Variants in TXNRD1 observed in about 807,000 individuals in gnomAD.
The protein encoded by TXNRD1 is thioredoxin reductase 1, cytoplasmic.
In TXNRD1, 57 loss-of-function variants were observed where a neutral mutation model predicts 80.3. The observed-to-expected ratio is 0.71, with a 90% CI of 0.57 to 0.89. TXNRD1 has a LOEUF of 0.89. Ranked by LOEUF, TXNRD1 falls within the 40% of genes least tolerant of loss-of-function variation. The pLI is 0.00. For synonymous variants in TXNRD1, 291 were observed against 285.2 expected (o/e 1.02, Z -0.20); for missense variants, 730 against 803.0 (o/e 0.91, Z 1.10).
At chr12:104,325,531 A>G in intron 11 of TXNRD1, 102 bp downstream of exon 11, 1 of 844,638 alleles carries the variant, frequency 1.2e-6, no homozygotes, top group Non-Finnish European at 1.9e-6. Context: ...TTCCAAATGT[A>G]CTGGTTCTAT....
At chr12:104,327,102 G>A (rs1311040197) in intron 12 of TXNRD1, among the ~76,000 whole-genome samples, 1 of 152,168 alleles carries the variant, frequency 6.6e-6, no homozygotes, top group African/African-American at 2.4e-5. Flanking sequence ...GTGCCTGGCC[G>A]AATTTTAGAT....
chr12:104,331,494 A>T, intron 13 of TXNRD1, 40 bp from the exon 14 acceptor site: 2 of 1,341,428 alleles, frequency 1.5e-6, no homozygotes, highest in Non-Finnish European at 2.1e-6. Context: ...TTAAGTTATA[A>T]CTTTGCCTAT....
chr12:104,288,939 C>G lies in TXNRD1; in HGVS notation c.313C>G (p.Arg105Gly). The G allele has an allele frequency of 6.2e-7, 1 of 1,614,024 alleles. No homozygotes were observed. The highest frequency in any genetic ancestry group is 8.5e-7 in the Non-Finnish European group (1 of 1,179,886). The change falls in exon 4 of 17, where the codon CGG (arginine) becomes GGG (glycine). Residue 105 changes from arginine to glycine, a missense_variant. Arg to Gly is a moderately radical substitution (Grantham distance 125). Coordinates refer to ENST00000525566, the MANE Select transcript of TXNRD1 (RefSeq NM_001093771.3). ...VLELDQTEDG[R>G]ALEGTLSELA... ...GCTTTTGTGCCACACAGAGGACGGT[C>G]GGGCCCTGGAAGGAACGCTCTCGGA...
intron 3 of TXNRD1, among the ~76,000 whole-genome samples, chr12:104,267,241 C>CTCTCTCTCTCTTTCTTTCTTTCTTTCTT: frequency 1.2e-5 from 1 of 85,796 alleles, no homozygotes; most frequent in African/African-American, 4.8e-5. Flanking sequence ...ATTTTCTTTT[C>CTCTCTCTCTCTTTCTTTCTTTCTTTCTT]TCTTTCTTTC....
intron 3 of TXNRD1, chr12:104,262,232 TAAAAA>T (rs56774416): frequency 3.2e-5 from 3 of 93,730 alleles, no homozygotes; most frequent in South Asian, 4.3e-4. Flanking sequence ...GACTCTGTAT[TAAAAA>T]AAAAAAAAAA....
rs563787652 is a variant in TXNRD1 at position 104,324,871 on chromosome 12, A to G, written c.1216-466A>G. On this transcript the variant is annotated intron_variant, in intron 10 of 16. Coordinates refer to ENST00000525566, the MANE Select transcript of TXNRD1 (RefSeq NM_001093771.3). ...AGACTTTGTAACTGTTACCCATATCACTATGGACCTGCTGTAATGTAATCT... is the reference window on the plus strand; with the variant it reads ...AGACTTTGTAACTGTTACCCATATCGCTATGGACCTGCTGTAATGTAATCT... Among the ~76,000 whole-genome samples, 4 of 152,280 alleles carry G rather than the reference A, an allele frequency of 2.6e-5. No homozygotes were observed. In the East Asian group the frequency reaches 5.8e-4, roughly 22 times the overall value.
chr12:104,318,834 C>A, intron 7 of TXNRD1, 79 bp from the exon 8 acceptor site: 1 of 1,501,368 alleles, frequency 6.7e-7, no homozygotes, highest in Non-Finnish European at 9.0e-7. Context: ...CCCTGTATTT[C>A]ACTTGAGTGG....
chr12:104,323,299 G>T (rs1225465892), intron 10 of TXNRD1, among the ~76,000 whole-genome samples: 2 of 149,116 alleles, frequency 1.3e-5, no homozygotes, highest in Non-Finnish European at 3.0e-5. Context: ...ATCCTGGCCC[G>T]TTCTCAATGA....
chr12:104,263,371 C>G (rs1004325013), intron 3 of TXNRD1, among the ~76,000 whole-genome samples: 4 of 152,090 alleles, frequency 2.6e-5, no homozygotes, highest in African/African-American at 9.7e-5. Flanking sequence ...TGACTTGCCC[C>G]CAGTGTCTTA....
chr12:104,284,196 G>C (rs34195484), intron 3 of TXNRD1: 1 of 152,128 alleles, frequency 6.6e-6, no homozygotes, highest in Admixed American at 6.5e-5. Flanking sequence ...AAGGATTGCT[G>C]GGCAACCTTG....
intron 1 of TXNRD1, among the ~76,000 whole-genome samples, chr12:104,218,395 A>G (rs1422426799): frequency 6.6e-6 from 1 of 152,110 alleles, no homozygotes; most frequent in Non-Finnish European, 1.5e-5. Flanking sequence ...AACGAAGTAT[A>G]TGCATGCAGC....
chr12:104,262,424 CT>C (rs934232492), intron 3 of TXNRD1: 16 of 152,088 alleles, frequency 1.1e-4, no homozygotes, highest in Admixed American at 8.5e-4. Context: ...CTTCGAGGAG[CT>C]TGTAATCATG....
intron 7 of TXNRD1, among the ~76,000 whole-genome samples, 161 bp from the exon 8 acceptor site, chr12:104,318,752 G>A (rs548128550): frequency 1.6e-4 from 25 of 152,344 alleles, no homozygotes; most frequent in African/African-American, 6.0e-4. Flanking sequence ...GAGAATACTT[G>A]AAGATGAAAA....
At position 104,327,677 on chromosome 12, in the gene TXNRD1, T is replaced by C. The variant is rs1465822471; in HGVS notation, c.1542+6T>C. 1.2e-6 allele frequency: 2 copies of C among 1,612,506 alleles called. No homozygotes were observed. The highest frequency in any genetic ancestry group is 1.7e-6 in the Non-Finnish European group (2 of 1,179,486). ...ATGCAGGTTCCACTGTCAAGGTGAGTGTTGTGCTTGTTGCCCATTAGATAC... is the reference window on the plus strand; with the variant it reads ...ATGCAGGTTCCACTGTCAAGGTGAGCGTTGTGCTTGTTGCCCATTAGATAC... On this transcript the variant is annotated splice_donor_region_variant and intron_variant, in intron 13 of 16. Transcript: ENST00000525566.
At chr12:104,329,441 A>T (rs2135857690) in intron 13 of TXNRD1, among the ~76,000 whole-genome samples, 1 of 152,178 alleles carries the variant, frequency 6.6e-6, no homozygotes, top group East Asian at 1.9e-4. Context: ...CTTGCCCAGG[A>T]ATTCGAAACC....
intron 5 of TXNRD1, 80 bp from the exon 6 acceptor site, chr12:104,313,165 A>G (rs2035200006): frequency 8.5e-7 from 1 of 1,175,620 alleles, no homozygotes; most frequent in African/African-American, 1.5e-5. Flanking sequence ...AGCTTAAAAA[A>G]AAATCATGGA....
Position 104,349,296 on chromosome 12 carries a change from G to A in TXNRD1, c.*875G>A, listed in dbSNP as rs1446340432. On this transcript the variant is annotated 3_prime_UTR_variant, in exon 17 of 17. Coordinates refer to ENST00000525566, the MANE Select transcript of TXNRD1 (RefSeq NM_001093771.3). ...TGAGATCATTTGCAATGGAAAACAC[G>A]TAACTTGTTTAAAAGTTTTTCTGGT... 6.6e-6 allele frequency: 1 copy of A among 152,154 alleles called. No homozygotes were observed. Among genetic ancestry groups the A allele is most frequent in the African/African-American group, 2.4e-5 (1 of 41,430 alleles). The allele number at this position is 152,154 out of a possible 1,614,324, so 9.4% of individuals were successfully genotyped here.
intron 2 of TXNRD1, among the ~76,000 whole-genome samples, chr12:104,252,660 T>TATATATATATATATATATATATA (rs1182730147): frequency 3.8e-5 from 2 of 53,206 alleles, no homozygotes; most frequent in African/African-American, 2.1e-4. Flanking sequence ...ATTTATTATT[T>TATATATATATATATATATATATA]TTTATATATA....
chr12:104,256,648 G>A (rs895213159), intron 2 of TXNRD1, among the ~76,000 whole-genome samples: 5 of 151,796 alleles, frequency 3.3e-5, no homozygotes, highest in African/African-American at 1.2e-4. Context: ...GTGTGGTGGC[G>A]CATGCCTGTA....
Sources: gnomAD v4.1 joint callset for allele counts (sites outside exome capture counted in the v4.1 genomes callset) on GRCh38, gnomAD v4.1.1 for gene constraint, MANE v1.5 for transcripts, NCBI Gene and HGNC (gene_info 2026-07-23, HGNC 2026-07-21) for gene names.